MCTP2: variants seen among roughly 807,000 people sequenced by gnomAD.
MCTP2 encodes the protein multiple C2 and transmembrane domain-containing protein 2.
MCTP2 carries 132 observed loss-of-function variants against 111.6 expected under a neutral mutation model. The ratio of observed to expected loss-of-function variants is 1.18; its 90% confidence interval spans 1.03 to 1.37. The LOEUF is 1.37. Ranked by LOEUF, MCTP2 falls within the 40% of genes most tolerant of loss-of-function variation. The probability of loss-of-function intolerance (pLI) is 0.00; values close to 1 mark genes in which losing one functional copy is unlikely to be tolerated. For synonymous variants in MCTP2, 395 were observed against 387.7 expected (o/e 1.02, Z -0.22); for missense variants, 1,183 against 1,067.9 (o/e 1.11, Z -1.50).
rs772159423 is a variant in MCTP2 at position 94,458,191 on chromosome 15, T to G, written c.2305T>G (p.Ser769Ala). The change falls in exon 20 of 23, where the codon TCA (serine) becomes GCA (alanine). Residue 769 changes from serine (S) to alanine (A), a missense_variant. Physicochemically the swap from Ser to Ala is moderately conservative, Grantham distance 99. Coordinates refer to ENST00000357742, the MANE Select transcript of MCTP2 (RefSeq NM_001385001.1). ...ERIYMVQDIVSTVQNVLEEIA... is the reference protein window; with the variant it reads ...ERIYMVQDIVATVQNVLEEIA... ...AATCTATATGGTACAGGATATTGTTTCAACTGTTCAAAACGTCTTGGAGGA... is the reference window on the plus strand; with the variant it reads ...AATCTATATGGTACAGGATATTGTTGCAACTGTTCAAAACGTCTTGGAGGA... 1.9e-6 allele frequency: 3 copies of G among 1,612,676 alleles called. No individual in the cohort carries two copies. The highest frequency in any genetic ancestry group is 1.1e-5 in the South Asian group (1 of 91,050).
intron 8 of MCTP2, among the ~76,000 whole-genome samples, chr15:94,351,789 C>T (rs144000039): frequency 2.5e-3 from 385 of 152,272 alleles, no homozygotes; most frequent in African/African-American, 8.6e-3. Context: ...TGCTTGGCAT[C>T]GTCAGTTCTG....
intron 17 of MCTP2, among the ~76,000 whole-genome samples, chr15:94,425,955 T>C (rs1384908446): frequency 1.3e-5 from 2 of 152,166 alleles, no homozygotes; most frequent in Non-Finnish European, 2.9e-5. Context: ...GTAAATCTTA[T>C]ACAAACTGTT....
chr15:94,235,995 A>AATGACT (rs1471715052), intron 1 of MCTP2, among the ~76,000 whole-genome samples: 22 of 152,344 alleles, frequency 1.4e-4, no homozygotes, highest in African/African-American at 5.3e-4. Flanking sequence ...CTTCATTGTC[A>AATGACT]TTTACTCCTG....
intron 17 of MCTP2, among the ~76,000 whole-genome samples, chr15:94,424,610 T>G (rs1005186443): frequency 6.6e-6 from 1 of 152,092 alleles, no homozygotes; most frequent in East Asian, 1.9e-4. Context: ...GACCACTAGG[T>G]TTTGGGATAT....
intron 1 of MCTP2, among the ~76,000 whole-genome samples, chr15:94,280,303 T>G (rs958981380): frequency 1.3e-5 from 2 of 152,060 alleles, no homozygotes; most frequent in African/African-American, 4.8e-5. Context: ...GTTGGTCAGA[T>G]CAGAATTTCA....
At chr15:94,353,570 A>G (rs1014123450) in intron 8 of MCTP2, among the ~76,000 whole-genome samples, 3 of 152,210 alleles carry the variant, frequency 2.0e-5, no homozygotes, top group Non-Finnish European at 4.4e-5. Flanking sequence ...CAATTGCCAG[A>G]CTGTAGGATG....
chr15:94,426,654 C>G (rs2082906551), intron 17 of MCTP2, among the ~76,000 whole-genome samples: 1 of 151,844 alleles, frequency 6.6e-6, no homozygotes, highest in Admixed American at 6.6e-5. Flanking sequence ...TCTAAATCAC[C>G]CATCTATTCT....
chr15:94,424,649 A>C (rs1171115610), intron 17 of MCTP2, among the ~76,000 whole-genome samples: 1 of 152,188 alleles, frequency 6.6e-6, no homozygotes, highest in African/African-American at 2.4e-5. Context: ...GTTAATGCCA[A>C]CCATTTCCCA....
rs989224891 is a variant in MCTP2 at position 94,339,341 on chromosome 15, A to G, written c.689A>G (p.Lys230Arg). ...AAGCTGAATGGGAAGACGCTGTACAAAAGTAAAGTCATATATAAGAACTTG... is the reference window on the plus strand; with the variant it reads ...AAGCTGAATGGGAAGACGCTGTACAGAAGTAAAGTCATATATAAGAACTTG... ...KFKLNGKTLYKSKVIYKNLNP... is the reference protein window; with the variant it reads ...KFKLNGKTLYRSKVIYKNLNP... The change falls in exon 5 of 23, where the codon AAA becomes AGA. Residue 230 changes from lysine (K) to arginine (R), a missense_variant. Lys to Arg is a conservative substitution (Grantham distance 26). Transcript: ENST00000357742. 4 of 1,612,060 alleles carry G rather than the reference A, an allele frequency of 2.5e-6. No individual in the cohort carries two copies. The highest frequency in any genetic ancestry group is 3.4e-6 in the Non-Finnish European group (4 of 1,178,680).
In MCTP2 at chr15:94,365,464, C is replaced by G. The variant is rs1259199296; in HGVS notation, c.1302-2141C>G. Among the ~76,000 whole-genome samples the G allele has an allele frequency of 2.0e-5, 3 of 152,008 alleles. No individual in the cohort carries two copies. The East Asian group carries it at 5.8e-4, about 29-fold the overall frequency. ...AAATGTGTAATTTTGAGAAGAAACC[C>G]AATATTTACTTTGCATTTCATCTGG... On this transcript the variant is annotated intron_variant, in intron 10 of 22. Transcript: ENST00000357742.
Position 94,280,415 on chromosome 15 carries a change from GTT to G in MCTP2, c.-65-17773_-65-17772del, listed in dbSNP as rs34008450. Among the ~76,000 whole-genome samples, 883 of 140,174 alleles carry G rather than the reference GTT, an allele frequency of 6.3e-3. 9 individuals are homozygous for G. The highest frequency in any genetic ancestry group is 0.019 in the African/African-American group (739 of 38,094). The allele number at this position is 140,174 out of a possible 152,430, so 92.0% of individuals were successfully genotyped here. A position where few individuals can be genotyped will look rare whatever the true frequency, so the allele number is the denominator to read the frequency against. ...ATAAAGGCATCCATTAGTCTCGAGG[GTT>G]TTTTTTTTTTTTAATTTCTGTGGGG... On this transcript the variant is annotated intron_variant, in intron 1 of 22. Coordinates refer to ENST00000357742, the MANE Select transcript of MCTP2 (RefSeq NM_001385001.1).
chr15:94,399,895 T>G (rs1032790607), intron 15 of MCTP2, 26 bp from the exon 16 acceptor site: 7 of 1,605,922 alleles, frequency 4.4e-6, no homozygotes, highest in Non-Finnish European at 6.0e-6. Flanking sequence ...CATGCTGCCC[T>G]TTTTTAACAA....
chr15:94,458,031 ACT>A, intron 19 of MCTP2, 104 bp from the exon 20 acceptor site: 1 of 646,336 alleles, frequency 1.5e-6, no homozygotes, highest in Non-Finnish European at 2.7e-6. Context: ...CTCTTGTGTC[ACT>A]CTATTGGTAA....
intron 11 of MCTP2, among the ~76,000 whole-genome samples, chr15:94,368,974 A>AGAG (rs1349500874): frequency 1.3e-5 from 2 of 152,242 alleles, no homozygotes; most frequent in African/African-American, 4.8e-5. Context: ...CCAGCACATT[A>AGAG]GAGGGAACGA....
intron 19 of MCTP2, among the ~76,000 whole-genome samples, chr15:94,450,586 T>C (rs557978314): frequency 2.2e-4 from 34 of 152,342 alleles, no homozygotes; most frequent in African/African-American, 8.2e-4. Flanking sequence ...GTTTTCAAAT[T>C]ATAGGCTTTT....
chr15:94,243,287 GTATATGCATATATACA>G (rs1567250666), intron 1 of MCTP2, among the ~76,000 whole-genome samples: 2 of 146,608 alleles, frequency 1.4e-5, no homozygotes, highest in Non-Finnish European at 3.0e-5. Flanking sequence ...ATACGTATGC[GTATATGCATATATACA>G]TACATACGTA....
chr15:94,360,256 G>T (rs965788220), intron 10 of MCTP2, among the ~76,000 whole-genome samples: 2 of 152,162 alleles, frequency 1.3e-5, no homozygotes, highest in African/African-American at 4.8e-5. Context: ...CTCCCAGCCA[G>T]GTTTGCATTT....
chr15:94,366,059 G>A (rs2079165464), intron 10 of MCTP2, among the ~76,000 whole-genome samples: 1 of 152,092 alleles, frequency 6.6e-6, no homozygotes, highest in South Asian at 2.1e-4. Flanking sequence ...AATGGTTTAA[G>A]GCAATAGACA....
At chr15:94,461,431 G>C (rs1282661190) in intron 20 of MCTP2, among the ~76,000 whole-genome samples, 1 of 152,170 alleles carries the variant, frequency 6.6e-6, no homozygotes, top group South Asian at 2.1e-4. Context: ...CCACACTACA[G>C]CCTGGGCAAC....
Sources: gnomAD v4.1 joint callset for allele counts (sites outside exome capture counted in the v4.1 genomes callset) on GRCh38, gnomAD v4.1.1 for gene constraint, MANE v1.5 for transcripts, NCBI Gene and HGNC (gene_info 2026-07-23, HGNC 2026-07-21) for gene names.